Variants in PIWIL2 observed in about 807,000 individuals in gnomAD.
PIWIL2 encodes piwi like RNA-mediated gene silencing 2.
PIWIL2 carries 81 observed loss-of-function variants against 116.5 expected under a neutral mutation model. The observed-to-expected ratio is 0.70, with a 90% CI of 0.58 to 0.84. The LOEUF (loss-of-function observed/expected upper bound fraction) is 0.84, where lower values mean the gene tolerates loss of function less well. PIWIL2 is among the 40% of genes least tolerant of loss of function. The probability of loss-of-function intolerance (pLI) is 0.00; values close to 1 mark genes in which losing one functional copy is unlikely to be tolerated. For missense variants in PIWIL2, 1,272 were observed against 1,212.3 expected (o/e 1.05, Z -0.73); for synonymous variants, 489 against 429.5 (o/e 1.14, Z -1.71).
At chr8:22,352,336 A>AT (rs1390859012) in intron 20 of PIWIL2, among the ~76,000 whole-genome samples, 2 of 152,266 alleles carry the variant, frequency 1.3e-5, no homozygotes, top group Admixed American at 6.5e-5. Flanking sequence ...TCAAGCAAGC[A>AT]TTTAATTTAA....
chr8:22,334,192 C>A (rs1462900937), intron 20 of PIWIL2, among the ~76,000 whole-genome samples: 1 of 151,726 alleles, frequency 6.6e-6, no homozygotes, highest in Non-Finnish European at 1.5e-5. Context: ...CCAGGCTAGT[C>A]TCGAACTCCT....
chr8:22,335,427 TCATA>T (rs61048772), intron 20 of PIWIL2, among the ~76,000 whole-genome samples: 151,961 of 152,232 alleles, frequency 1, 75,851 homozygotes, highest in Middle Eastern at 1. Context: ...AGTGGTGTGA[TCATA>T]CATAGCTCAC....
intron 20 of PIWIL2, among the ~76,000 whole-genome samples, chr8:22,343,303 G>A (rs150499456): frequency 1.2e-3 from 187 of 152,234 alleles, no homozygotes; most frequent in African/African-American, 4.2e-3. Context: ...TCCTGGTGGC[G>A]CATGCCTGTA....
At chr8:22,313,728 T>C (rs1374122321) in intron 16 of PIWIL2, among the ~76,000 whole-genome samples, 2 of 152,256 alleles carry the variant, frequency 1.3e-5, no homozygotes, top group Non-Finnish European at 2.9e-5. Flanking sequence ...AAAGGTCCTC[T>C]TTTTTCAATA....
chr8:22,333,151 G>T (rs554695221), intron 20 of PIWIL2, among the ~76,000 whole-genome samples: 1 of 152,038 alleles, frequency 6.6e-6, no homozygotes, highest in East Asian at 1.9e-4. Flanking sequence ...GGGTAACTAC[G>T]AAAGGAAGAA....
intron 16 of PIWIL2, among the ~76,000 whole-genome samples, chr8:22,312,406 A>G (rs1031418237): frequency 3.8e-4 from 58 of 152,100 alleles, no homozygotes; most frequent in African/African-American, 1.2e-3. Context: ...CTGGAACTAC[A>G]GGCGTGGGCC....
chr8:22,327,858 C>T (rs1262336459), intron 20 of PIWIL2, among the ~76,000 whole-genome samples: 1 of 152,162 alleles, frequency 6.6e-6, no homozygotes, highest in Non-Finnish European at 1.5e-5. Context: ...AAACTATACT[C>T]TTATCTGATG....
chr8:22,288,633 T>C lies in PIWIL2; in HGVS notation c.953T>C (p.Leu318Pro). The C allele has an allele frequency of 6.2e-7, 1 of 1,612,864 alleles. No individual in the cohort carries two copies. ...AAGATCCTGGAGCCCTGCTCTGACC[T>C]GTGCATTCCCTTCTACAATGTTGTT... ...MTKILEPCSD[L>P]CIPFYNVVFR... The change falls in exon 8 of 23, where the codon CTG (leucine) becomes CCG (proline). Residue 318 changes from leucine to proline, a missense_variant. Leu to Pro is a moderately conservative substitution (Grantham distance 98). Transcript: ENST00000356766.
At chr8:22,350,938 T>A (rs1832338413) in intron 20 of PIWIL2, among the ~76,000 whole-genome samples, 1 of 152,112 alleles carries the variant, frequency 6.6e-6, no homozygotes, top group South Asian at 2.1e-4. Context: ...GTCAGGAGTT[T>A]GAGACCAGCC....
At chr8:22,343,339 G>A (rs1222937149) in intron 20 of PIWIL2, among the ~76,000 whole-genome samples, 1 of 152,156 alleles carries the variant, frequency 6.6e-6, no homozygotes, top group Non-Finnish European at 1.5e-5. Context: ...GAAGGCTGAG[G>A]CAGGAGAATC....
chr8:22,316,249 A>C lies in PIWIL2; in HGVS notation c.2213A>C (p.Gln738Pro). The change falls in exon 19 of 23, where the codon CAG (glutamine) becomes CCG (proline). Residue 738 changes from glutamine (Q) to proline (P), a missense_variant. Coordinates refer to ENST00000356766, the MANE Select transcript of PIWIL2 (RefSeq NM_018068.5). ...ELWGVDIPLK[Q>P]LMVIGMDVYH... is the part of the protein sequence containing the mutation. ...TGTTTTTGTTTTCTAAACTAGAAAC[A>C]GTTAATGGTGATCGGGATGGATGTT... 6.2e-7 allele frequency: 1 copy of C among 1,608,682 alleles called. No individual in the cohort carries two copies. Among genetic ancestry groups the C allele is most frequent in the Non-Finnish European group, 8.5e-7 (1 of 1,175,076 alleles).
At position 22,352,969 on chromosome 8, in the gene PIWIL2, G is replaced by C; in HGVS notation, c.2414G>C (p.Cys805Ser). Residue 805 changes from cysteine to serine, a missense_variant, in exon 21 of 23, where the codon TGT (cysteine) becomes TCT (serine). Cys to Ser is a moderately radical substitution (Grantham distance 112). Transcript: ENST00000356766. ...SLKKFYEVNH[C>S]LPEKIVVYRD... Reference sequence around the variant, plus strand: ...TCGCTGTCATTTCAGGTGAACCACTGTCTACCAGAGAAGATTGTGGTGTAC... The same window carrying C: ...TCGCTGTCATTTCAGGTGAACCACTCTCTACCAGAGAAGATTGTGGTGTAC... 6.2e-7 allele frequency: 1 copy of C among 1,612,526 alleles called. No individual in the cohort carries two copies. The highest frequency in any genetic ancestry group is 8.5e-7 in the Non-Finnish European group (1 of 1,178,780).
At chr8:22,293,413 C>G (rs1225074539) in intron 10 of PIWIL2, among the ~76,000 whole-genome samples, 1 of 151,990 alleles carries the variant, frequency 6.6e-6, no homozygotes, top group East Asian at 1.9e-4. Flanking sequence ...GATGTTGGTT[C>G]ACTGCAACCT....
intron 12 of PIWIL2, among the ~76,000 whole-genome samples, chr8:22,305,077 A>G (rs1339960563): frequency 6.6e-6 from 1 of 152,222 alleles, no homozygotes; most frequent in African/African-American, 2.4e-5. Context: ...AGGCGGAACT[A>G]AATATCCACA....
intron 13 of PIWIL2, among the ~76,000 whole-genome samples, chr8:22,307,291 G>A (rs1365412006): frequency 6.6e-6 from 1 of 151,858 alleles, no homozygotes; most frequent in African/African-American, 2.4e-5. Flanking sequence ...CAAAGTGCTG[G>A]GATTACAGGC....
At chr8:22,355,258 G>C (rs951187559) in intron 22 of PIWIL2, 91 bp from the exon 23 acceptor site, 18 of 1,270,850 alleles carry the variant, frequency 1.4e-5, no homozygotes, top group Non-Finnish European at 1.9e-5. Context: ...GGTGTGCTCT[G>C]TGTCATATCC....
rs760121648 is a variant in PIWIL2, at chr8:22,314,346, G to A, written c.2008G>A (p.Val670Ile). The change falls in exon 17 of 23, where the codon GTT (valine) becomes ATT (isoleucine). Residue 670 changes from valine to isoleucine, a missense_variant. Transcript: ENST00000356766. Reference protein sequence around the residue: ...LGAEGKIQMVVCIIMGPRDDL... With the variant: ...LGAEGKIQMVICIIMGPRDDL... ...CCTCAAGGGGAAGATACAGATGGTT[G>A]TTTGCATCATCATGGGCCCACGTGA... 3.8e-6 allele frequency: 6 copies of A among 1,563,122 alleles called. No homozygotes were observed. The highest frequency in any genetic ancestry group is 2.4e-5 in the East Asian group (1 of 42,198).
intron 16 of PIWIL2, among the ~76,000 whole-genome samples, chr8:22,313,528 C>A (rs1456788130): frequency 6.6e-6 from 1 of 152,208 alleles, no homozygotes; most frequent in Non-Finnish European, 1.5e-5. Flanking sequence ...GCTCCCAGTG[C>A]GCAGCTCTGT....
intron 19 of PIWIL2, among the ~76,000 whole-genome samples, 165 bp downstream of exon 19, chr8:22,316,498 T>C (rs915028503): frequency 1.2e-4 from 18 of 150,700 alleles, no homozygotes; most frequent in African/African-American, 4.4e-4. Flanking sequence ...GGGGGAGGGG[T>C]GGAAATGGAG....
Sources: allele counts gnomAD v4.1 joint callset (sites outside exome capture counted in the v4.1 genomes callset), GRCh38; gene constraint gnomAD v4.1.1; transcripts MANE v1.5; gene names NCBI Gene and HGNC (gene_info 2026-07-23, HGNC 2026-07-21).